Variants in DGKB observed in about 807,000 individuals in gnomAD.
DGKB encodes diacylglycerol kinase beta.
DGKB carries 67 observed loss-of-function variants against 114.3 expected under a neutral mutation model. The observed-to-expected ratio is 0.59, with a 90% CI of 0.48 to 0.72. DGKB has a LOEUF of 0.72. DGKB is among the 30% of genes least tolerant of loss of function. The pLI, the probability that DGKB is intolerant of heterozygous loss-of-function variation, is 0.00. For missense variants in DGKB, 907 were observed against 975.2 expected, an observed-to-expected ratio of 0.93 and a Z score of 0.93; for synonymous variants, 398 against 323.1, an observed-to-expected ratio of 1.23 and a Z score of -2.49.
In DGKB at chr7:14,839,396, CTCT is replaced by C. The variant is rs1026341294; in HGVS notation, c.70+1795_70+1797del. On this transcript the variant is annotated intron_variant, in intron 2 of 25. Coordinates refer to ENST00000402815, the MANE Select transcript of DGKB (RefSeq NM_001350709.2). ...GCCATTCTGAACTAAATTTTCTTTA[CTCT>C]TCTTCTTCTTTTTTTTTTTTTTTTT... is the stretch of plus-strand genomic sequence containing the variant. 4.7e-3 allele frequency among the ~76,000 whole-genome samples: 712 copies of C among 150,246 alleles called. 4 individuals carry two copies. Among genetic ancestry groups the C allele is most frequent in the Non-Finnish European group, 5.9e-3 (402 of 67,570 alleles).
intron 5 of DGKB, among the ~76,000 whole-genome samples, chr7:14,727,301 A>C (rs937071882): frequency 7.2e-5 from 11 of 152,322 alleles, no homozygotes; most frequent in Admixed American, 2.0e-4. Flanking sequence ...ATTAAAAACC[A>C]TTTAATGATT....
At chr7:14,444,769 A>T (rs1286949742) in intron 21 of DGKB, among the ~76,000 whole-genome samples, 1 of 151,872 alleles carries the variant, frequency 6.6e-6, no homozygotes, top group Non-Finnish European at 1.5e-5. Flanking sequence ...CTATTACATT[A>T]TAAATTCTCC....
intron 22 of DGKB, among the ~76,000 whole-genome samples, chr7:14,344,820 G>T (rs1280946107): frequency 6.6e-6 from 1 of 151,128 alleles, no homozygotes; most frequent in Non-Finnish European, 1.5e-5. Flanking sequence ...ATGGGGAAAT[G>T]GCAACCTTGG....
intron 1 of DGKB, among the ~76,000 whole-genome samples, chr7:14,899,692 C>T (rs916654968): frequency 7.9e-5 from 12 of 152,148 alleles, no homozygotes; most frequent in South Asian, 4.1e-4. Flanking sequence ...AAATTGGAAT[C>T]GTGAGTGTGC....
At chr7:14,319,859 G>T (rs181251053) in intron 23 of DGKB, among the ~76,000 whole-genome samples, 1 of 152,236 alleles carries the variant, frequency 6.6e-6, no homozygotes, top group East Asian at 1.9e-4. Context: ...TTGGTACCTT[G>T]TCCCCATTCC....
At chr7:14,420,092 T>G (rs1010434031) in intron 21 of DGKB, among the ~76,000 whole-genome samples, 3 of 151,852 alleles carry the variant, frequency 2.0e-5, no homozygotes, top group Non-Finnish European at 4.4e-5. Context: ...TTTTAGAAGT[T>G]CTAACTAAAA....
rs990052947 is a variant in DGKB, at chr7:14,791,396, T to C, written c.71-33665A>G. 5.3e-5 allele frequency among the ~76,000 whole-genome samples: 8 copies of C among 151,456 alleles called. No homozygotes were observed. The East Asian group carries it at 1.2e-3, about 22-fold the overall frequency. ...TAGTTTTATTTCTTTATTTCTGATA[T>C]AATTTTTTTATTTTCTTTACTTGTC... On this transcript the variant is annotated intron_variant, in intron 2 of 25. Transcript: ENST00000402815.
chr7:14,901,614 C>CA (rs1783088981), intron 1 of DGKB, among the ~76,000 whole-genome samples: 2 of 143,310 alleles, frequency 1.4e-5, no homozygotes, highest in Admixed American at 7.0e-5. Flanking sequence ...CACCCCCCCC[C>CA]ACCCCCCACT....
At chr7:14,652,699 C>T (rs1252281441) in intron 13 of DGKB, among the ~76,000 whole-genome samples, 2 of 150,290 alleles carry the variant, frequency 1.3e-5, no homozygotes, top group Non-Finnish European at 3.0e-5. Flanking sequence ...AAACTACCAT[C>T]AGAGTGAACA....
intron 25 of DGKB, among the ~76,000 whole-genome samples, chr7:14,159,646 G>T (rs2128222712): frequency 6.6e-6 from 1 of 152,218 alleles, no homozygotes; most frequent in East Asian, 1.9e-4. Flanking sequence ...ATAAATGTTT[G>T]CTGAAAGAAT....
intron 21 of DGKB, among the ~76,000 whole-genome samples, chr7:14,426,248 C>T (rs1244131218): frequency 6.6e-6 from 1 of 152,106 alleles, no homozygotes; most frequent in Non-Finnish European, 1.5e-5. Flanking sequence ...GCTCATTGCA[C>T]TGAAAATTTG....
At chr7:14,513,153 A>G (rs1788239089) in intron 20 of DGKB, among the ~76,000 whole-genome samples, 1 of 152,070 alleles carries the variant, frequency 6.6e-6, no homozygotes, top group South Asian at 2.1e-4. Context: ...AAGTGCTATT[A>G]ATAACAGCCT....
chr7:14,763,439 CAAAT>C (rs1836002968), intron 2 of DGKB, among the ~76,000 whole-genome samples: 1 of 152,076 alleles, frequency 6.6e-6, no homozygotes, highest in Non-Finnish European at 1.5e-5. Context: ...ATAATGTTAA[CAAAT>C]ATTCACTCCA....
chr7:14,666,204 G>C (rs1307273705), intron 13 of DGKB, among the ~76,000 whole-genome samples: 1 of 151,986 alleles, frequency 6.6e-6, no homozygotes, highest in East Asian at 1.9e-4. Flanking sequence ...CTTTTGTCAG[G>C]TAATGAAGGA....
intron 14 of DGKB, among the ~76,000 whole-genome samples, chr7:14,628,131 C>T (rs941357790): frequency 6.6e-5 from 10 of 152,268 alleles, no homozygotes; most frequent in African/African-American, 2.4e-4. Context: ...AAATGCTCAA[C>T]ACAGTGACTT....
At chr7:14,390,315 C>G (rs1218614359) in intron 21 of DGKB, among the ~76,000 whole-genome samples, 1 of 152,136 alleles carries the variant, frequency 6.6e-6, no homozygotes, top group African/African-American at 2.4e-5. Context: ...AATGGAGAAT[C>G]TCATACTTCT....
At chr7:14,603,180 C>A (rs1419963651) in intron 17 of DGKB, among the ~76,000 whole-genome samples, 1 of 152,094 alleles carries the variant, frequency 6.6e-6, no homozygotes, top group Non-Finnish European at 1.5e-5. Context: ...CATACTCCAT[C>A]ACTCCAGTGA....
chr7:14,676,922 T>C (rs1819967653), intron 12 of DGKB, among the ~76,000 whole-genome samples: 1 of 151,956 alleles, frequency 6.6e-6, no homozygotes, highest in Non-Finnish European at 1.5e-5. Flanking sequence ...AGCCAAGGCA[T>C]AGAAATCCTT....
At chr7:14,649,612 A>G (rs1813968568) in intron 13 of DGKB, among the ~76,000 whole-genome samples, 1 of 151,692 alleles carries the variant, frequency 6.6e-6, no homozygotes, top group Non-Finnish European at 1.5e-5. Flanking sequence ...ACCAGCTAAC[A>G]TCATAATGAC....
Sources: allele counts gnomAD v4.1 joint callset (sites outside exome capture counted in the v4.1 genomes callset), GRCh38; gene constraint gnomAD v4.1.1; transcripts MANE v1.5; gene names NCBI Gene and HGNC (gene_info 2026-07-23, HGNC 2026-07-21).